Variants in RPL30 observed in about 807,000 individuals in gnomAD.
The protein encoded by RPL30 is ribosomal protein L30.
For synonymous variants in RPL30, 40 were observed against 50.4 expected, an observed-to-expected ratio of 0.79 and a Z score of 0.87; for missense variants, 60 against 138.0, an observed-to-expected ratio of 0.43 and a Z score of 2.83.
chr8:98,045,292 G>A, intron 2 of RPL30, 55 bp downstream of exon 2: 2 of 1,612,692 alleles, frequency 1.2e-6, no homozygotes, highest in Admixed American at 1.7e-5. Flanking sequence ...TGCCCGCCCT[G>A]GCCAAGACAT....
Position 98,044,965 on chromosome 8 carries a change from C to G in RPL30, c.145G>C (p.Ala49Pro), listed in dbSNP as rs758490023. 1.9e-6 allele frequency: 3 copies of G among 1,613,656 alleles called. No individual in the cohort carries two copies. Among genetic ancestry groups the G allele is most frequent in the Non-Finnish European group, 2.5e-6 (3 of 1,179,998 alleles). ...TACCTCAAAGCTGGGCAGTTGTTAG[C>G]GAGAATGACCAATTTCGCTTTGCCT... ...RQGKAKLVIL[A>P]NNCPALRKSE... Residue 49 changes from alanine to proline, a missense_variant, in exon 3 of 5, where the codon GCT (alanine) becomes CCT (proline). By Grantham distance (27) the Ala-to-Pro change is conservative. Coordinates refer to ENST00000287038, the MANE Select transcript of RPL30 (RefSeq NM_000989.4).
chr8:98,045,154 G>T, intron 2 of RPL30, 66 bp from the exon 3 acceptor site: 1 of 1,576,524 alleles, frequency 6.3e-7, no homozygotes, highest in East Asian at 2.2e-5. Flanking sequence ...ACCGGACCCA[G>T]CTTTTTGAAG....
chr8:98,043,977 G>C (rs1198466609), intron 3 of RPL30: 1 of 152,290 alleles, frequency 6.6e-6, no homozygotes, highest in Non-Finnish European at 1.5e-5. Flanking sequence ...GCCAGGCATG[G>C]TGGCAGGTGC....
chr8:98,041,896 T>C (rs1308117080), intron 4 of RPL30, 46 bp from the exon 5 acceptor site: 11 of 1,293,170 alleles, frequency 8.5e-6, no homozygotes, highest in Non-Finnish European at 1.2e-5. Flanking sequence ...ATTCATTTAA[T>C]AGCAACTGGT....
At chr8:98,043,610 C>G (rs1259212221) in intron 3 of RPL30, 1 of 151,652 alleles carries the variant, frequency 6.6e-6, no homozygotes, top group Non-Finnish European at 1.5e-5. Flanking sequence ...GTAATCCCAG[C>G]ACTTTGGGAG....
chr8:98,043,430 TC>T, intron 3 of RPL30: 1 of 88,892 alleles, frequency 1.1e-5, no homozygotes, highest in Admixed American at 1.2e-4. Flanking sequence ...ACAGCCCTAT[TC>T]TTTTTTTTTT....
chr8:98,044,835 T>A (rs1295763229), intron 3 of RPL30, 108 bp downstream of exon 3: 2 of 1,234,800 alleles, frequency 1.6e-6, no homozygotes, highest in Admixed American at 2.2e-5. Flanking sequence ...ACCGTAATTA[T>A]CCTGCAAGTG....
In RPL30 at chr8:98,041,781, A is replaced by T. The variant is rs768258234; in HGVS notation, c.*20T>A. ...TTGCAGGTTTAAGGTTTGCAGGTGA[A>T]ATTTTGTAGGTGAAAAGGTTTACTT... On this transcript the variant is annotated 3_prime_UTR_variant, in exon 5 of 5. Transcript: ENST00000287038. The T allele has an allele frequency of 1.9e-6, 3 of 1,576,348 alleles. No homozygotes were observed.
At chr8:98,043,951 A>C (rs1270744499) in intron 3 of RPL30, 1 of 152,262 alleles carries the variant, frequency 6.6e-6, no homozygotes, top group Non-Finnish European at 1.5e-5. Flanking sequence ...CATCTCTACT[A>C]AAAATACAAA....
Position 98,045,417 on chromosome 8 carries a change from C to A in RPL30, c.-32-18G>T. 6.2e-7 allele frequency: 1 copy of A among 1,612,684 alleles called. No homozygotes were observed. The highest frequency in any genetic ancestry group is 8.5e-7 in the Non-Finnish European group (1 of 1,178,778). On this transcript the variant is annotated intron_variant, in intron 1 of 4. Coordinates refer to ENST00000287038, the MANE Select transcript of RPL30 (RefSeq NM_000989.4). ...CCCCCAACCTAGAAGAGACAGAGAACAGGACAGGAATTTTAGGATCCGGAG... is the reference window on the plus strand; with the variant it reads ...CCCCCAACCTAGAAGAGACAGAGAAAAGGACAGGAATTTTAGGATCCGGAG...
intron 2 of RPL30, 121 bp from the exon 3 acceptor site, chr8:98,045,209 G>T: frequency 1.3e-6 from 2 of 1,534,352 alleles, no homozygotes; most frequent in Non-Finnish European, 1.8e-6. Context: ...AAGTCATTGA[G>T]AGGGCCACTG....
Position 98,045,104 on chromosome 8 carries a change from T to G in RPL30, c.22-16A>C. 6.2e-7 allele frequency: 1 copy of G among 1,612,342 alleles called. No homozygotes were observed. Among genetic ancestry groups the G allele is most frequent in the Non-Finnish European group, 8.5e-7 (1 of 1,179,062 alleles). ...GCGACTTTTTCTACAAAGCAAACAT[T>G]AAATACGGACCTAAGGGCCTCGCCT... On this transcript the variant is annotated splice_polypyrimidine_tract_variant and intron_variant, in intron 2 of 4. Coordinates refer to ENST00000287038, the MANE Select transcript of RPL30 (RefSeq NM_000989.4).
At chr8:98,042,861 ATGT>A (rs1217909936) in intron 3 of RPL30, 86 bp from the exon 4 acceptor site, 27 of 1,332,882 alleles carry the variant, frequency 2.0e-5, no homozygotes, top group South Asian at 3.1e-5. Flanking sequence ...ACTAGTGTTA[ATGT>A]TGTTAAGGCC....
intron 3 of RPL30, 87 bp downstream of exon 3, chr8:98,044,856 T>C: frequency 2.2e-6 from 3 of 1,390,120 alleles, no homozygotes; most frequent in Non-Finnish European, 3.0e-6. Flanking sequence ...TTCGAGTTCA[T>C]GGTACTCAGA....
chr8:98,045,472 C>T, intron 1 of RPL30, 36 bp downstream of exon 1: 1 of 1,427,202 alleles, frequency 7.0e-7, no homozygotes, highest in Non-Finnish European at 9.8e-7. Context: ...AAGCTCCCCG[C>T]GCTGCCTAAA....
At chr8:98,045,314 A>T in intron 2 of RPL30, 33 bp downstream of exon 2, 2 of 1,614,040 alleles carry the variant, frequency 1.2e-6, no homozygotes, top group Middle Eastern at 1.6e-4. Context: ...TCTCCACGTG[A>T]ATCGTCTTCC....
Position 98,042,584 on chromosome 8 carries a change from T to C in RPL30, c.298+61A>G. The C allele has an allele frequency of 3.4e-6, 5 of 1,464,158 alleles. No homozygotes were observed. In the South Asian group the frequency reaches 4.8e-5, roughly 14 times the overall value. 90.7% of individuals were successfully genotyped at this position (1,464,158 alleles called of 1,614,324 possible). A position where few individuals can be genotyped will look rare whatever the true frequency, so the allele number is the denominator to read the frequency against. ...AGACATTTGCGTAGTAAGAAATACT[T>C]GTCCAGACATTACATTAGAAAGGCA... On this transcript the variant is annotated intron_variant, in intron 4 of 4. Transcript: ENST00000287038.
At chr8:98,042,436 T>C (rs752257597) in intron 4 of RPL30, 1 of 517,386 alleles carries the variant, frequency 1.9e-6, no homozygotes, top group South Asian at 2.1e-5. Flanking sequence ...TATCTGACAG[T>C]AAAAATTTTA....
chr8:98,042,293 T>C (rs918742888), intron 4 of RPL30: 58 of 488,430 alleles, frequency 1.2e-4, no homozygotes, highest in African/African-American at 1.0e-3. Flanking sequence ...TTTCTCAAGC[T>C]AATTTTACAT....
Sources: allele counts gnomAD v4.1 joint callset, GRCh38; gene constraint gnomAD v4.1.1; transcripts MANE v1.5; gene names NCBI Gene and HGNC (gene_info 2026-07-23, HGNC 2026-07-21).